Variants in SORCS2 observed in about 807,000 individuals in gnomAD.
SORCS2 encodes sortilin related VPS10 domain containing receptor 2.
SORCS2 carries 100 observed loss-of-function variants against 141.6 expected under a neutral mutation model. The observed-to-expected ratio is 0.71, with a 90% confidence interval of 0.60 to 0.83. The LOEUF is 0.83. Among genes scored for constraint, SORCS2 ranks in the 40% least tolerant of loss-of-function variants. SORCS2 has a pLI of 0.00. For missense variants in SORCS2, 1,646 were observed against 1,560.2 expected, an observed-to-expected ratio of 1.05 and a Z score of -0.93; for synonymous variants, 789 against 676.9, an observed-to-expected ratio of 1.17 and a Z score of -2.57.
chr4:7,723,262 C>T (rs150947468), intron 18 of SORCS2, among the ~76,000 whole-genome samples: 14 of 152,242 alleles, frequency 9.2e-5, no homozygotes, highest in South Asian at 8.3e-4. Flanking sequence ...TCCAGGCAGG[C>T]GGCTTAGGCA....
chr4:7,626,265 A>C (rs1337907115), intron 3 of SORCS2, among the ~76,000 whole-genome samples: 1 of 152,252 alleles, frequency 6.6e-6, no homozygotes, highest in Non-Finnish European at 1.5e-5. Flanking sequence ...AGACTTTCTT[A>C]AGCTTTTGCT....
chr4:7,207,292 G>A (rs1727795831), intron 1 of SORCS2, among the ~76,000 whole-genome samples: 1 of 152,242 alleles, frequency 6.6e-6, no homozygotes, highest in South Asian at 2.1e-4. Context: ...AAGGTGCAGT[G>A]CTGAGCTGTG....
chr4:7,734,922 G>A (rs6848984), intron 25 of SORCS2, among the ~76,000 whole-genome samples: 27,498 of 152,178 alleles, frequency 0.18, 3,125 homozygotes, highest in Admixed American at 0.35. Flanking sequence ...TGCCGAGGCT[G>A]GGGTGAGGTG....
chr4:7,542,730 G>A (rs531620870), intron 3 of SORCS2, among the ~76,000 whole-genome samples: 1 of 152,322 alleles, frequency 6.6e-6, no homozygotes, highest in African/African-American at 2.4e-5. Flanking sequence ...AGTCGCTCAC[G>A]TGATCCTCAG....
intron 2 of SORCS2, chr4:7,430,768 T>G (rs58448418): frequency 6.6e-6 from 1 of 152,154 alleles, no homozygotes. Context: ...CCTGGGCTGG[T>G]ATCTCCTCTC....
At chr4:7,497,254 T>A (rs1261546437) in intron 2 of SORCS2, among the ~76,000 whole-genome samples, 1 of 152,210 alleles carries the variant, frequency 6.6e-6, no homozygotes, top group Non-Finnish European at 1.5e-5. Context: ...ACTGTGTGCC[T>A]CTTACCATGT....
At chr4:7,427,203 G>A (rs1006086493) in intron 2 of SORCS2, among the ~76,000 whole-genome samples, 7 of 152,130 alleles carry the variant, frequency 4.6e-5, no homozygotes, top group Non-Finnish European at 1.0e-4. Flanking sequence ...GGTGACCTAG[G>A]GGGCCTCTCG....
intron 2 of SORCS2, among the ~76,000 whole-genome samples, chr4:7,401,173 TGATG>T (rs766421302): frequency 4.4e-5 from 6 of 136,280 alleles, no homozygotes; most frequent in Non-Finnish European, 8.0e-5. Flanking sequence ...ATGAGTGGAT[TGATG>T]GATGGATGGA....
chr4:7,697,694 A>G (rs983921477), intron 12 of SORCS2, among the ~76,000 whole-genome samples: 2 of 152,028 alleles, frequency 1.3e-5, no homozygotes, highest in Non-Finnish European at 2.9e-5. Context: ...GAGAGAGGCC[A>G]GGAGGGGGCT....
intron 2 of SORCS2, among the ~76,000 whole-genome samples, chr4:7,504,277 G>A (rs1732150887): frequency 6.6e-6 from 1 of 152,168 alleles, no homozygotes; most frequent in African/African-American, 2.4e-5. Context: ...AAACTCAAAT[G>A]CCTTTGCCTG....
At chr4:7,307,730 A>G (rs1717921033) in intron 1 of SORCS2, among the ~76,000 whole-genome samples, 1 of 152,132 alleles carries the variant, frequency 6.6e-6, no homozygotes, top group South Asian at 2.1e-4. Context: ...CAGACTGAGA[A>G]GCTGTGAGTG....
At chr4:7,221,965 A>G (rs1728728915) in intron 1 of SORCS2, among the ~76,000 whole-genome samples, 1 of 152,218 alleles carries the variant, frequency 6.6e-6, no homozygotes, top group South Asian at 2.1e-4. Flanking sequence ...ACCTAAAAAC[A>G]GTGAAACAAG....
chr4:7,694,294 C>G (rs1464693756), intron 11 of SORCS2, among the ~76,000 whole-genome samples: 1 of 152,072 alleles, frequency 6.6e-6, no homozygotes, highest in Non-Finnish European at 1.5e-5. Flanking sequence ...AGAAGCTTCT[C>G]CCCTCATCAC....
chr4:7,509,078 G>A (rs530053124), intron 2 of SORCS2, among the ~76,000 whole-genome samples: 1 of 152,294 alleles, frequency 6.6e-6, no homozygotes, highest in East Asian at 1.9e-4. Flanking sequence ...AAATTTCAGG[G>A]CTCAAACAGG....
rs55721025 is a variant in SORCS2 at position 7,240,453 on chromosome 4, C to T, written c.480+47327C>T. On this transcript the variant is annotated intron_variant, in intron 1 of 26. Transcript: ENST00000507866. ...GAATGAAAGATACACTCTAATTTGC[C>T]GGGGAGCTTGGAGGCTGGAGTGATG... Among the ~76,000 whole-genome samples the T allele has an allele frequency of 4.1e-3, 618 of 152,140 alleles. 2 individuals are homozygous for T. Among genetic ancestry groups the T allele is most frequent in the Non-Finnish European group, 6.6e-3 (448 of 67,994 alleles).
intron 1 of SORCS2, among the ~76,000 whole-genome samples, chr4:7,318,680 C>A (rs1718711241): frequency 6.6e-6 from 1 of 152,182 alleles, no homozygotes; most frequent in Non-Finnish European, 1.5e-5. Flanking sequence ...TCAGCTGTTA[C>A]CCACACAGCC....
At chr4:7,311,830 C>A (rs891558588) in intron 1 of SORCS2, among the ~76,000 whole-genome samples, 54 of 151,934 alleles carry the variant, frequency 3.6e-4, no homozygotes, top group African/African-American at 1.3e-3. Flanking sequence ...ATATTTTCTC[C>A]CAGTTTGTGG....
At chr4:7,699,270 C>A (rs1331149464) in intron 12 of SORCS2, among the ~76,000 whole-genome samples, 1 of 152,132 alleles carries the variant, frequency 6.6e-6, no homozygotes, top group Non-Finnish European at 1.5e-5. Flanking sequence ...TGCAGCCTGC[C>A]AGTGGGGTTT....
chr4:7,575,404 C>A (rs538721094), intron 3 of SORCS2, among the ~76,000 whole-genome samples: 1 of 152,204 alleles, frequency 6.6e-6, no homozygotes, highest in South Asian at 2.1e-4. Flanking sequence ...CCATACTAAG[C>A]CTTTGAAATC....
Sources: allele counts gnomAD v4.1 joint callset (sites outside exome capture counted in the v4.1 genomes callset), GRCh38; gene constraint gnomAD v4.1.1; transcripts MANE v1.5; gene names NCBI Gene and HGNC (gene_info 2026-07-23, HGNC 2026-07-21).